Variants in BLVRA observed in about 807,000 individuals in gnomAD.
The protein encoded by BLVRA is biliverdin reductase A, also known as BVR A.
In BLVRA, 22 loss-of-function variants were observed where a neutral mutation model predicts 32.8. The ratio of observed to expected loss-of-function variants is 0.67; its 90% CI spans 0.48 to 0.96. BLVRA has a LOEUF of 0.96. Ranked by LOEUF, BLVRA falls within the 40% of genes least tolerant of loss-of-function variation. The probability of loss-of-function intolerance (pLI) is 0.00; values close to 1 mark genes in which losing one functional copy is unlikely to be tolerated. For synonymous variants in BLVRA, 119 were observed against 141.3 expected (o/e 0.84, Z 1.12); for missense variants, 323 against 358.1 (o/e 0.90, Z 0.79).
intron 1 of BLVRA, among the ~76,000 whole-genome samples, chr7:43,765,707 T>C (rs573181577): frequency 6.6e-6 from 1 of 152,286 alleles, no homozygotes; most frequent in South Asian, 2.1e-4. Flanking sequence ...GTTCTAAAAT[T>C]AATGAGAGAA....
chr7:43,800,442 T>C, intron 5 of BLVRA, 23 bp from the exon 6 acceptor site: 4 of 1,610,014 alleles, frequency 2.5e-6, no homozygotes, highest in Non-Finnish European at 1.7e-6. Flanking sequence ...ACTGCCCTTT[T>C]TATTCCATTT....
chr7:43,782,381 C>A (rs1045484772), intron 2 of BLVRA, among the ~76,000 whole-genome samples: 5 of 152,204 alleles, frequency 3.3e-5, no homozygotes, highest in Non-Finnish European at 7.3e-5. Context: ...TTGTTGAATG[C>A]AGGAATGACT....
At chr7:43,790,432 CACACACACACAA>C (rs919854780) in intron 3 of BLVRA, among the ~76,000 whole-genome samples, 3 of 152,166 alleles carry the variant, frequency 2.0e-5, no homozygotes, top group South Asian at 4.2e-4. Context: ...GGAAGACACA[CACACACACACAA>C]ACACACACAC....
At chr7:43,796,653 C>T (rs1585739217) in intron 5 of BLVRA, among the ~76,000 whole-genome samples, 1 of 152,118 alleles carries the variant, frequency 6.6e-6, no homozygotes, top group Admixed American at 6.6e-5. Flanking sequence ...GCAATAATGT[C>T]TTACATACGA....
chr7:43,771,548 T>C (rs1300697652), intron 2 of BLVRA, among the ~76,000 whole-genome samples: 1 of 152,242 alleles, frequency 6.6e-6, no homozygotes, highest in Non-Finnish European at 1.5e-5. Context: ...TGGAGATGTC[T>C]AGCTCCTTAT....
In BLVRA at chr7:43,807,078, G is replaced by A; in HGVS notation, c.734G>A (p.Gly245Glu). The A allele has an allele frequency of 1.2e-6, 2 of 1,614,194 alleles. No homozygotes were observed. Among genetic ancestry groups the A allele is most frequent in the Non-Finnish European group, 1.7e-6 (2 of 1,180,036 alleles). ...SGSLENVPNV[G>E]VNKNIFLKDQ... ...TCCTTGGAGAATGTGCCAAATGTAGGAGTGAATAAGAACATATTTCTGAAA... is the reference window on the plus strand; with the variant it reads ...TCCTTGGAGAATGTGCCAAATGTAGAAGTGAATAAGAACATATTTCTGAAA... Residue 245 changes from glycine (G) to glutamate (E), a missense_variant, in exon 8 of 8, where the codon GGA (glycine) becomes GAA (glutamate). By Grantham distance (98) the Gly-to-Glu change is moderately conservative. Coordinates refer to ENST00000265523, the MANE Select transcript of BLVRA (RefSeq NM_000712.4).
At chr7:43,786,470 A>G (rs1055697560) in intron 2 of BLVRA, among the ~76,000 whole-genome samples, 7 of 152,244 alleles carry the variant, frequency 4.6e-5, no homozygotes, top group African/African-American at 1.7e-4. Flanking sequence ...AATAATTGCT[A>G]GAGCAAGGAG....
chr7:43,779,224 C>T (rs967910808), intron 2 of BLVRA, among the ~76,000 whole-genome samples: 8 of 152,246 alleles, frequency 5.3e-5, no homozygotes, highest in Non-Finnish European at 8.8e-5. Flanking sequence ...AATCACCCGT[C>T]TTCTGCGTTG....
At chr7:43,783,960 A>G (rs1199552236) in intron 2 of BLVRA, among the ~76,000 whole-genome samples, 2 of 152,044 alleles carry the variant, frequency 1.3e-5, no homozygotes, top group Non-Finnish European at 2.9e-5. Context: ...TTTATCTCAA[A>G]AAAAATTTTT....
rs1446118985 is a variant in BLVRA at position 43,807,002 on chromosome 7, G to A, written c.658G>A (p.Gly220Arg). The A allele has an allele frequency of 1.2e-6, 2 of 1,614,116 alleles. No individual in the cohort carries two copies. The highest frequency in any genetic ancestry group is 1.7e-4 in the Middle Eastern group (1 of 6,030). Residue 220 changes from glycine (G) to arginine (R), a missense_variant, in exon 8 of 8, where the codon GGA (glycine) becomes AGA (arginine). Transcript: ENST00000265523. Reference sequence around the variant, plus strand: ...TCCACTGTCATGGATTGAAGAAAAAGGACCTGGTCTAAAACGAAACAGATA... The same window carrying A: ...TCCACTGTCATGGATTGAAGAAAAAAGACCTGGTCTAAAACGAAACAGATA... ...KSPLSWIEEKGPGLKRNRYLS... is the reference protein window; with the variant it reads ...KSPLSWIEEKRPGLKRNRYLS...
intron 3 of BLVRA, 134 bp from the exon 4 acceptor site, chr7:43,791,115 G>C: frequency 6.7e-7 from 1 of 1,492,874 alleles, no homozygotes; most frequent in Non-Finnish European, 9.0e-7. Flanking sequence ...AAATAGCCTG[G>C]AAGTGGGAGA....
intron 2 of BLVRA, among the ~76,000 whole-genome samples, chr7:43,773,191 G>A (rs756727788): frequency 6.6e-6 from 1 of 151,756 alleles, no homozygotes; most frequent in Non-Finnish European, 1.5e-5. Flanking sequence ...ATAATGTGCA[G>A]GTTAGTTACA....
chr7:43,795,395 A>G (rs2095790671), intron 5 of BLVRA, among the ~76,000 whole-genome samples: 1 of 152,078 alleles, frequency 6.6e-6, no homozygotes. Flanking sequence ...GCGCACATAT[A>G]GTCCCAGCTA....
upstream of BLVRA, among the ~76,000 whole-genome samples, chr7:43,758,217 G>A (rs1327317222): frequency 6.6e-6 from 1 of 152,202 alleles, no homozygotes; most frequent in East Asian, 1.9e-4. Flanking sequence ...AAGGACTCAG[G>A]TAAGCCTCGG....
chr7:43,764,800 T>A (rs2095746004), intron 1 of BLVRA, among the ~76,000 whole-genome samples: 2 of 139,262 alleles, frequency 1.4e-5, no homozygotes, highest in Admixed American at 1.4e-4. Flanking sequence ...TAAAGTGGGT[T>A]AAAGTGATAT....
intron 2 of BLVRA, among the ~76,000 whole-genome samples, chr7:43,781,897 C>T (rs1313162818): frequency 2.6e-5 from 4 of 152,072 alleles, no homozygotes; most frequent in Admixed American, 6.6e-5. Flanking sequence ...TGTTTTTGAC[C>T]CATGAATGCC....
Position 43,787,878 on chromosome 7 carries a change from C to G in BLVRA, c.13-26C>G. On this transcript the variant is annotated intron_variant, in intron 2 of 7. Transcript: ENST00000265523. This position sits in a 1 kb window ranked among gnomAD's most constrained non-coding sequence, Gnocchi z 4.5. ...GCTCGATGCCTACAGTGTTTTCAGA[C>G]TCCACCTTGGTCCCTTGTGTTTCAG... 6.2e-7 allele frequency: 1 copy of G among 1,614,170 alleles called. No individual in the cohort carries two copies. The highest frequency in any genetic ancestry group is 8.5e-7 in the Non-Finnish European group (1 of 1,180,022).
intron 1 of BLVRA, among the ~76,000 whole-genome samples, chr7:43,762,587 T>A (rs1282135601): frequency 2.0e-5 from 3 of 150,508 alleles, no homozygotes; most frequent in African/African-American, 7.4e-5. Flanking sequence ...TTTAGTGATT[T>A]CCATGAACCC....
chr7:43,781,323 G>A (rs2095769136), intron 2 of BLVRA, among the ~76,000 whole-genome samples: 2 of 151,988 alleles, frequency 1.3e-5, no homozygotes, highest in African/African-American at 2.4e-5. Context: ...ACTGACCCCT[G>A]GCAACATATA....
Sources: allele counts gnomAD v4.1 joint callset (sites outside exome capture counted in the v4.1 genomes callset), GRCh38; gene constraint gnomAD v4.1.1; non-coding constraint Gnocchi (gnomAD v3.1); transcripts MANE v1.5; gene names NCBI Gene and HGNC (gene_info 2026-07-23, HGNC 2026-07-21).